The following ADAMTS19 variants were observed in gnomAD, a reference collection of about 807,000 sequenced individuals.
ADAMTS19 encodes ADAM metallopeptidase with thrombospondin type 1 motif 19, also known as A disintegrin and metalloproteinase with thrombospondin motifs 19.
A neutral mutation model predicts 153.3 loss-of-function variants in ADAMTS19; 93 were observed. The observed-to-expected ratio is 0.61, with a 90% CI of 0.51 to 0.72. The LOEUF is 0.72. Ranked by LOEUF, ADAMTS19 falls within the 30% of genes least tolerant of loss-of-function variation. The pLI, the probability that ADAMTS19 is intolerant of heterozygous loss-of-function variation, is 0.00. For missense variants in ADAMTS19, 1,482 were observed against 1,552.1 expected (o/e 0.95, Z 0.76); for synonymous variants, 600 against 556.6 (o/e 1.08, Z -1.10).
At chr5:129,697,954 A>G (rs1025515169) in intron 19 of ADAMTS19, among the ~76,000 whole-genome samples, 16 of 152,226 alleles carry the variant, frequency 1.1e-4, no homozygotes, top group African/African-American at 1.4e-4. Flanking sequence ...AAAGAGCTGG[A>G]TTTGAGGATT....
At chr5:129,585,342 G>A (rs62399012) in intron 7 of ADAMTS19, among the ~76,000 whole-genome samples, 9,247 of 151,654 alleles carry the variant, frequency 0.061, 415 homozygotes, top group Non-Finnish European at 0.088. Flanking sequence ...GTTCCTATTC[G>A]GCCATCTTGC....
chr5:129,486,837 G>A (rs141503403), intron 2 of ADAMTS19, among the ~76,000 whole-genome samples: 7 of 152,200 alleles, frequency 4.6e-5, no homozygotes, highest in African/African-American at 1.7e-4. Context: ...CTTATTTGCA[G>A]ACAACATGAT....
chr5:129,572,072 G>T (rs991171893), intron 7 of ADAMTS19, among the ~76,000 whole-genome samples: 1 of 151,838 alleles, frequency 6.6e-6, no homozygotes, highest in Non-Finnish European at 1.5e-5. Context: ...GATGACCTTG[G>T]ATTAGGCAAA....
chr5:129,594,019 T>A (rs891450063), intron 7 of ADAMTS19, among the ~76,000 whole-genome samples: 2 of 152,172 alleles, frequency 1.3e-5, no homozygotes, highest in African/African-American at 4.8e-5. Flanking sequence ...GTTATTTCCC[T>A]AAGTTAGTAA....
At chr5:129,620,805 CTG>C in intron 9 of ADAMTS19, 47 bp downstream of exon 9, 1 of 1,575,658 alleles carries the variant, frequency 6.3e-7, no homozygotes, top group East Asian at 2.3e-5. Flanking sequence ...ATTATGTGTG[CTG>C]TTTCTTTTTA....
At chr5:129,709,645 T>G (rs1266938465) in intron 21 of ADAMTS19, among the ~76,000 whole-genome samples, 1 of 30,982 alleles carries the variant, frequency 3.2e-5, no homozygotes, top group Non-Finnish European at 5.4e-5. Context: ...ATTATTAAAT[T>G]AGAACAACTC....
chr5:129,538,672 T>G (rs538583565), intron 6 of ADAMTS19, among the ~76,000 whole-genome samples: 2 of 152,210 alleles, frequency 1.3e-5, no homozygotes, highest in South Asian at 4.1e-4. Context: ...ACCCCTCCAC[T>G]TAGGAAACAG....
chr5:129,522,332 C>CACATATATATAT (rs1309115957), intron 3 of ADAMTS19, among the ~76,000 whole-genome samples: 805 of 58,516 alleles, frequency 0.014, 13 homozygotes, highest in African/African-American at 0.016. Flanking sequence ...CACACACACA[C>CACATATATATAT]ATATATATAT....
chr5:129,622,599 G>A (rs1258269452), intron 10 of ADAMTS19, among the ~76,000 whole-genome samples: 1 of 152,090 alleles, frequency 6.6e-6, no homozygotes, highest in Non-Finnish European at 1.5e-5. Flanking sequence ...ATTGATATCA[G>A]GGAAGTATTT....
At chr5:129,497,102 C>T (rs143814902) in intron 2 of ADAMTS19, among the ~76,000 whole-genome samples, 1 of 151,944 alleles carries the variant, frequency 6.6e-6, no homozygotes, top group Non-Finnish European at 1.5e-5. Flanking sequence ...TAAGCCTGAG[C>T]AATGTGGGTT....
chr5:129,522,917 A>T (rs1751874148), intron 3 of ADAMTS19, among the ~76,000 whole-genome samples: 2 of 151,964 alleles, frequency 1.3e-5, no homozygotes, highest in South Asian at 4.2e-4. Flanking sequence ...TTAGCTGGGC[A>T]TTGTGGTGCA....
intron 7 of ADAMTS19, among the ~76,000 whole-genome samples, chr5:129,556,866 T>C (rs1753332879): frequency 1.3e-5 from 2 of 152,134 alleles, no homozygotes; most frequent in African/African-American, 2.4e-5. Context: ...ACAAACAGCC[T>C]TTTCAACACT....
chr5:129,703,915 T>G (rs1756025967), intron 20 of ADAMTS19, among the ~76,000 whole-genome samples: 1 of 152,174 alleles, frequency 6.6e-6, no homozygotes. Context: ...ATGTTTAAAA[T>G]GTGATATCAA....
rs75340461 is a variant in ADAMTS19 at position 129,585,287 on chromosome 5, A to T, written c.1373-11272A>T. Among the ~76,000 whole-genome samples the T allele has an allele frequency of 4.3e-3, 651 of 151,550 alleles. 4 individuals are homozygous for T. Among genetic ancestry groups the T allele is most frequent in the East Asian group, 0.025 (128 of 5,100 alleles). The stretch of plus-strand genomic sequence containing the variant: ...TAACTCAGTTGGAAAATCAGCGATC[A>T]CCCACTTTCTGCGTTGATCTGGCTG... On this transcript the variant is annotated intron_variant, in intron 7 of 22. Coordinates refer to ENST00000274487, the MANE Select transcript of ADAMTS19 (RefSeq NM_133638.6).
In ADAMTS19 at chr5:129,641,858, G is replaced by A; in HGVS notation, c.1771-1G>A. ...ATTAGTTATTGTGCCTTTGTTTTCA[G>A]CATGTTATTTGCACAGGATTATGGT... On this transcript the variant is annotated splice_acceptor_variant, in intron 10 of 22. Coordinates refer to ENST00000274487, the MANE Select transcript of ADAMTS19 (RefSeq NM_133638.6). LOFTEE classifies it high-confidence loss of function. 1 of 1,572,958 alleles carries A rather than the reference G, an allele frequency of 6.4e-7. No individual in the cohort carries two copies. The highest frequency in any genetic ancestry group is 8.7e-7 in the Non-Finnish European group (1 of 1,155,776).
chr5:129,521,525 C>A (rs1486071193), intron 3 of ADAMTS19, among the ~76,000 whole-genome samples: 2 of 151,982 alleles, frequency 1.3e-5, no homozygotes, highest in Non-Finnish European at 2.9e-5. Flanking sequence ...TCCCACAGTC[C>A]CAAAGCTAGT....
At chr5:129,553,458 G>A (rs1753203719) in intron 7 of ADAMTS19, among the ~76,000 whole-genome samples, 1 of 152,176 alleles carries the variant, frequency 6.6e-6, no homozygotes, top group Admixed American at 6.5e-5. Context: ...GTACCTCAGT[G>A]TGTTCTGATA....
chr5:129,687,212 C>A (rs986116181), intron 18 of ADAMTS19, among the ~76,000 whole-genome samples: 1 of 152,104 alleles, frequency 6.6e-6, no homozygotes, highest in Non-Finnish European at 1.5e-5. Context: ...CAACAAGCGC[C>A]CATCTTGTGG....
intron 21 of ADAMTS19, among the ~76,000 whole-genome samples, chr5:129,727,693 G>T (rs1757265261): frequency 6.6e-6 from 1 of 152,088 alleles, no homozygotes; most frequent in Admixed American, 6.6e-5. Context: ...CTGTTTAAAA[G>T]GGATAATAGT....
Sources: allele counts gnomAD v4.1 joint callset (sites outside exome capture counted in the v4.1 genomes callset), GRCh38; gene constraint gnomAD v4.1.1; transcripts MANE v1.5; gene names NCBI Gene and HGNC (gene_info 2026-07-23, HGNC 2026-07-21).